The following ATP2A3 variants were observed in gnomAD, a reference collection of about 807,000 sequenced individuals.
ATP2A3 encodes the protein ATPase sarcoplasmic/endoplasmic reticulum Ca2+ transporting 3, also known as sarcoplasmic/endoplasmic reticulum calcium ATPase 3.
In ATP2A3, 61 loss-of-function variants were observed where a neutral mutation model predicts 106.8. The observed-to-expected ratio is 0.57, with a 90% CI of 0.46 to 0.71. ATP2A3 has a LOEUF of 0.71. Among genes scored for constraint, ATP2A3 ranks in the 30% least tolerant of loss-of-function variants. The pLI, the probability that ATP2A3 is intolerant of heterozygous loss-of-function variation, is 0.00. For missense variants in ATP2A3, 1,201 were observed against 1,423.5 expected (o/e 0.84, Z 2.52); for synonymous variants, 611 against 609.3 (o/e 1.00, Z -0.04).
intron 17 of ATP2A3, chr17:3,934,803 G>A (rs565541789): frequency 1.9e-4 from 45 of 234,076 alleles, no homozygotes; most frequent in Admixed American, 1.4e-3. Context: ...GATTACAGGC[G>A]TGAACCACCG....
At chr17:3,946,624 C>A (rs776877097) in intron 8 of ATP2A3, among the ~76,000 whole-genome samples, 3 of 152,164 alleles carry the variant, frequency 2.0e-5, no homozygotes, top group Non-Finnish European at 4.4e-5. Flanking sequence ...GGGCTTTTAG[C>A]AGGACAGTAA....
Position 3,928,938 on chromosome 17 carries a change from AC to A in ATP2A3, c.2863-159del, listed in dbSNP as rs1471459518. Among the ~76,000 whole-genome samples the A allele has an allele frequency of 2.3e-5, 3 of 130,518 alleles. No individual in the cohort carries two copies. Among genetic ancestry groups the A allele is most frequent in the African/African-American group, 9.3e-5 (3 of 32,136 alleles). The allele number at this position is 130,518 out of a possible 152,430, so 85.6% of individuals were successfully genotyped here. On this transcript the variant is annotated intron_variant, in intron 19 of 20. Coordinates refer to ENST00000397041, the MANE Select transcript of ATP2A3 (RefSeq NM_005173.4). This position sits in a 1 kb window ranked among gnomAD's most constrained non-coding sequence, Gnocchi z 6.1. The stretch of plus-strand genomic sequence containing the variant: ...CCCCGATCTTTGTCCACTCAGCTGC[AC>A]CCCCCGATCTTTGTCTGTTCAGCTG...
At position 3,930,303 on chromosome 17, in the gene ATP2A3, G is replaced by C. The variant is rs1446171448; in HGVS notation, c.2742C>G (p.Asn914Lys). The C allele has an allele frequency of 6.3e-7, 1 of 1,588,638 alleles. No homozygotes were observed. Among genetic ancestry groups the C allele is most frequent in the Non-Finnish European group, 8.6e-7 (1 of 1,167,574 alleles). The stretch of plus-strand genomic sequence containing the variant: ...TCCAGGCCCTGCGCCCAGCCTACCT[G>C]TTGAGGGCATTGCACATTTCAATGG... Reference protein sequence around the residue: ...LVTIEMCNALNSVSENQSLLR... With the variant: ...LVTIEMCNALKSVSENQSLLR... The change falls in exon 18 of 21, where the codon AAC becomes AAG. Residue 914 changes from asparagine (N) to lysine (K), a missense_variant and splice_region_variant. This residue lies in a region of ATP2A3 where 935 missense variants were observed against 1,176.7 expected (regional missense o/e 0.79). Transcript: ENST00000397041. This position sits in a 1 kb window ranked among gnomAD's most constrained non-coding sequence, Gnocchi z 5.4.
In ATP2A3 at chr17:3,933,926, TC is replaced by T. The variant is rs1466416951; in HGVS notation, c.2610+1265del. Among the ~76,000 whole-genome samples, 7 of 143,914 alleles carry T rather than the reference TC, an allele frequency of 4.9e-5. 1 individual carries two copies. Among genetic ancestry groups the T allele is most frequent in the African/African-American group, 1.6e-4 (6 of 36,790 alleles). The allele number at this position is 143,914 out of a possible 152,430, so 94.4% of individuals were successfully genotyped here. ...CCTTTGGTTTGGTTTTCTTTTCTTTTCTTTTTTTCTTTTTTGAGACTGCGTC... is the reference window on the plus strand; with the variant it reads ...CCTTTGGTTTGGTTTTCTTTTCTTTTTTTTTTTCTTTTTTGAGACTGCGTC... On this transcript the variant is annotated intron_variant, in intron 17 of 20. Coordinates refer to ENST00000397041, the MANE Select transcript of ATP2A3 (RefSeq NM_005173.4).
At chr17:3,960,997 TG>T (rs2055107154) in intron 1 of ATP2A3, among the ~76,000 whole-genome samples, 1 of 152,178 alleles carries the variant, frequency 6.6e-6, no homozygotes, top group African/African-American at 2.4e-5. Flanking sequence ...CGAAATGCCA[TG>T]CAGCCACTAG....
chr17:3,961,012 G>A (rs1238947987), intron 1 of ATP2A3, among the ~76,000 whole-genome samples: 2 of 152,218 alleles, frequency 1.3e-5, no homozygotes, highest in Non-Finnish European at 2.9e-5. Flanking sequence ...CCACTAGGAA[G>A]CCCCACCGTG....
rs778257512 is a variant in ATP2A3 at position 3,940,917 on chromosome 17, C to T, written c.2100+54G>A. ...AGAGTTGCACGGCTTGCTCTTTTCACACCCCGTGGCCCCACTCATCACCCC... is the reference window on the plus strand; with the variant it reads ...AGAGTTGCACGGCTTGCTCTTTTCATACCCCGTGGCCCCACTCATCACCCC... On this transcript the variant is annotated intron_variant, in intron 14 of 20. Coordinates refer to ENST00000397041, the MANE Select transcript of ATP2A3 (RefSeq NM_005173.4). 1.0e-5 allele frequency: 16 copies of T among 1,598,000 alleles called. 1 individual carries two copies. The highest frequency in any genetic ancestry group is 1.7e-4 in the Middle Eastern group (1 of 6,044).
In ATP2A3 at chr17:3,924,803, T is replaced by C. The variant is rs1348932599; in HGVS notation, c.*619A>G. 1 of 456,460 alleles carries C rather than the reference T, an allele frequency of 2.2e-6. No homozygotes were observed. The highest frequency in any genetic ancestry group is 4.4e-6 in the Non-Finnish European group (1 of 226,938). The allele number at this position is 456,460 out of a possible 1,614,324, so 28.3% of individuals were successfully genotyped here. A position where few individuals can be genotyped will look rare whatever the true frequency, so the allele number is the denominator to read the frequency against. On this transcript the variant is annotated 3_prime_UTR_variant, in exon 21 of 21. Transcript: ENST00000397041. This position sits in a 1 kb window ranked among gnomAD's most constrained non-coding sequence, Gnocchi z 6.4. ...TCTGACCCTTCACCCGCCCGGGCCCTGCACATATAAACAGAAGCAGCCTCG... is the reference window on the plus strand; with the variant it reads ...TCTGACCCTTCACCCGCCCGGGCCCCGCACATATAAACAGAAGCAGCCTCG...
chr17:3,940,504 GTATTGT>G (rs1440320516), intron 14 of ATP2A3, among the ~76,000 whole-genome samples: 7 of 152,106 alleles, frequency 4.6e-5, no homozygotes, highest in Admixed American at 4.6e-4. Flanking sequence ...AATAAAATTA[GTATTGT>G]TATTATTATT....
Position 3,925,522 on chromosome 17 carries a change from C to T in ATP2A3, c.2981-81G>A, listed in dbSNP as rs2052657073. The T allele has an allele frequency of 6.6e-7, 1 of 1,524,274 alleles. No individual in the cohort carries two copies. Among genetic ancestry groups the T allele is most frequent in the Non-Finnish European group, 8.9e-7 (1 of 1,125,396 alleles). The allele number at this position is 1,524,274 out of a possible 1,614,324, so 94.4% of individuals were successfully genotyped here. On this transcript the variant is annotated intron_variant, in intron 20 of 20. Transcript: ENST00000397041. This position sits in a 1 kb window ranked among gnomAD's most constrained non-coding sequence, Gnocchi z 4.2. ...ACAGCTTCCTTCCAGCCCCTTCCAT[C>T]CTCCACTTCTCCCAGGACAGCCCCA...
chr17:3,944,889 GGC>G (rs55954037), intron 9 of ATP2A3, 83 bp from the exon 10 acceptor site: 1 of 870,856 alleles, frequency 1.1e-6, no homozygotes, highest in South Asian at 1.7e-5. Context: ...CCTAGGAGGG[GGC>G]TCCGCCTCTT....
intron 1 of ATP2A3, among the ~76,000 whole-genome samples, chr17:3,958,709 T>TAG (rs2054924890): frequency 7.5e-6 from 1 of 133,420 alleles, no homozygotes; most frequent in African/African-American, 3.2e-5. Flanking sequence ...TTCATATATA[T>TAG]ATATATATAC....
chr17:3,943,576 TC>T, intron 10 of ATP2A3, 54 bp from the exon 11 acceptor site: 1 of 1,609,926 alleles, frequency 6.2e-7, no homozygotes, highest in South Asian at 1.1e-5. Flanking sequence ...CCAGCCCGCA[TC>T]CCCAGCCTCA....
At chr17:3,942,757 A>ATT (rs768170613) in intron 11 of ATP2A3, 26 bp from the exon 12 acceptor site, 1 of 1,610,276 alleles carries the variant, frequency 6.2e-7, no homozygotes, top group Non-Finnish European at 8.5e-7. Flanking sequence ...AGGTCAGGGC[A>ATT]TGAAGGACAG....
Position 3,936,146 on chromosome 17 carries a change from T to C in ATP2A3, c.2524+121A>G, listed in dbSNP as rs2053429307. On this transcript the variant is annotated intron_variant, in intron 16 of 20. Transcript: ENST00000397041. This position sits in a 1 kb window ranked among gnomAD's most constrained non-coding sequence, Gnocchi z 5.4. ...GCCATGCCTGGTCTTTTCCATTACA[T>C]GAGCTCATACAGTTTCTACTGGCAC... 1.5e-6 allele frequency: 2 copies of C among 1,294,802 alleles called. No individual in the cohort carries two copies. The highest frequency in any genetic ancestry group is 1.2e-5 in the South Asian group (1 of 82,878). 80.2% of individuals were successfully genotyped at this position (1,294,802 alleles called of 1,614,324 possible).
Position 3,927,569 on chromosome 17 carries a change from T to C in ATP2A3, c.2980+1094A>G, listed in dbSNP as rs906304661. The stretch of plus-strand genomic sequence containing the variant: ...AGTGCAGGGATGCCTTGGGCCCCCA[T>C]GGATGGGAGTTTCCAGTGTCTCCCC... On this transcript the variant is annotated intron_variant, in intron 20 of 20. Coordinates refer to ENST00000397041, the MANE Select transcript of ATP2A3 (RefSeq NM_005173.4). 3.0e-6 allele frequency: 3 copies of C among 985,316 alleles called. No homozygotes were observed. The African/African-American group carries it at 5.2e-5, about 17-fold the overall frequency. 61.0% of individuals were successfully genotyped at this position (985,316 alleles called of 1,614,324 possible).
intron 1 of ATP2A3, among the ~76,000 whole-genome samples, chr17:3,963,286 G>C (rs1436565604): frequency 6.6e-6 from 1 of 152,200 alleles, no homozygotes; most frequent in East Asian, 1.9e-4. Context: ...ATTTCTCCTG[G>C]GATCCCTCAC....
chr17:3,944,975 G>A, intron 9 of ATP2A3, 85 bp downstream of exon 9: 1 of 1,316,702 alleles, frequency 7.6e-7, no homozygotes, highest in South Asian at 1.7e-5. Flanking sequence ...CCGCCCCCAG[G>A]GGCCTCCCAC....
chr17:3,936,723 C>CACACACACAT lies in ATP2A3; in HGVS notation c.2322-255_2322-254insATGTGTGTGT. ...CTTTAGGCCTAGCAGAGGCCAAGTA[C>CACACACACAT]ACACACACACACACACACACACACA... On this transcript the variant is annotated intron_variant, in intron 15 of 20. Coordinates refer to ENST00000397041, the MANE Select transcript of ATP2A3 (RefSeq NM_005173.4). This position sits in a 1 kb window ranked among gnomAD's most constrained non-coding sequence, Gnocchi z 5.4. 1 of 56,602 alleles carries CACACACACAT rather than the reference C, an allele frequency of 1.8e-5. No homozygotes were observed. Among genetic ancestry groups the CACACACACAT allele is most frequent in the Non-Finnish European group, 3.7e-5 (1 of 27,250 alleles). 3.5% of individuals were successfully genotyped at this position (56,602 alleles called of 1,614,324 possible).
Sources: gnomAD v4.1 joint callset for allele counts (sites outside exome capture counted in the v4.1 genomes callset) on GRCh38, gnomAD v4.1.1 for gene constraint, gnomAD v4.1.1 regional missense constraint, Gnocchi (gnomAD v3.1) non-coding constraint, MANE v1.5 for transcripts, NCBI Gene and HGNC (gene_info 2026-07-23, HGNC 2026-07-21) for gene names.